OR11A1: variants seen among roughly 807,000 people sequenced by gnomAD.
The protein encoded by OR11A1 is olfactory receptor family 11 subfamily A member 1, also known as olfactory receptor 11A1.
For missense variants in OR11A1, 380 were observed against 378.2 expected (o/e 1.00, Z -0.04); for synonymous variants, 158 against 152.2 (o/e 1.04, Z -0.28).
intron 1 of OR11A1, among the ~76,000 whole-genome samples, chr6:29,455,688 C>A (rs912249604): frequency 5.3e-5 from 8 of 151,904 alleles, no homozygotes; most frequent in African/African-American, 1.9e-4. Flanking sequence ...CCAGCCTGGG[C>A]AACATGGTGA....
At chr6:29,433,228 A>G (rs1037065673) in intron 1 of OR11A1, among the ~76,000 whole-genome samples, 6 of 152,184 alleles carry the variant, frequency 3.9e-5, no homozygotes, top group South Asian at 2.1e-4. Flanking sequence ...CAATTTTCAC[A>G]TATACAATTC....
At chr6:29,455,495 C>T (rs1434221241) in intron 1 of OR11A1, among the ~76,000 whole-genome samples, 1 of 152,106 alleles carries the variant, frequency 6.6e-6, no homozygotes, top group African/African-American at 2.4e-5. Context: ...CAGTTGACAA[C>T]ATTGTATTAT....
At chr6:29,428,756 C>CAAAAAAAAAA (rs11424255) in intron 4 of OR11A1, among the ~76,000 whole-genome samples, 157 bp downstream of exon 4, 1 of 47,886 alleles carries the variant, frequency 2.1e-5, no homozygotes, top group Non-Finnish European at 3.6e-5. Flanking sequence ...AACTCCATCT[C>CAAAAAAAAAA]AAAAAAAAAA....
chr6:29,452,331 A>G (rs1785508212), intron 1 of OR11A1, among the ~76,000 whole-genome samples: 1 of 152,182 alleles, frequency 6.6e-6, no homozygotes, highest in African/African-American at 2.4e-5. Flanking sequence ...AAACTAAAAT[A>G]AAAATTAGGG....
chr6:29,451,737 T>G (rs1409311094), intron 1 of OR11A1, among the ~76,000 whole-genome samples: 1 of 152,186 alleles, frequency 6.6e-6, no homozygotes, highest in African/African-American at 2.4e-5. Flanking sequence ...AGAATGTATG[T>G]TAGCTCATAC....
intron 1 of OR11A1, among the ~76,000 whole-genome samples, chr6:29,451,308 A>T (rs749118625): frequency 1.3e-5 from 2 of 152,202 alleles, no homozygotes; most frequent in African/African-American, 2.4e-5. Flanking sequence ...ATTTCATGAT[A>T]AAGTTGTCAA....
chr6:29,436,713 A>G (rs1014928215), intron 1 of OR11A1, among the ~76,000 whole-genome samples: 1 of 152,260 alleles, frequency 6.6e-6, no homozygotes, highest in African/African-American at 2.4e-5. Flanking sequence ...GAGAAATATG[A>G]GTCTCATTAA....
chr6:29,429,054 A>G, intron 3 of OR11A1, 94 bp from the exon 4 acceptor site: 1 of 199,318 alleles, frequency 5.0e-6, no homozygotes, highest in Non-Finnish European at 9.0e-6. Flanking sequence ...ATATAAATAC[A>G]TAATACTAAC....
At chr6:29,446,059 G>A (rs192937761) in intron 1 of OR11A1, among the ~76,000 whole-genome samples, 15 of 152,218 alleles carry the variant, frequency 9.9e-5, no homozygotes, top group Admixed American at 9.8e-4. Flanking sequence ...CAGAAAGTGG[G>A]ATCTCAGTGC....
chr6:29,437,099 A>G (rs138570612), intron 1 of OR11A1, among the ~76,000 whole-genome samples: 5,951 of 152,280 alleles, frequency 0.039, 277 homozygotes, highest in African/African-American at 0.11. Flanking sequence ...GGGACTGTAA[A>G]CTAGTTCAAC....
intron 1 of OR11A1, among the ~76,000 whole-genome samples, chr6:29,455,618 T>C (rs1343230726): frequency 6.6e-6 from 1 of 152,106 alleles, no homozygotes; most frequent in Admixed American, 6.5e-5. Context: ...TAACTATGTA[T>C]ATCAAAACAT....
At position 29,426,551 on chromosome 6, in the gene OR11A1, C is replaced by T. The variant is rs978742589; in HGVS notation, c.*143G>A. The stretch of plus-strand genomic sequence containing the variant: ...AAATAAAAGTTAAAAAATTGTTGCC[C>T]TATCATTTTCATTTTTAGTATAACT... On this transcript the variant is annotated 3_prime_UTR_variant, in exon 5 of 5. Coordinates refer to ENST00000377149, the MANE Select transcript of OR11A1 (RefSeq NM_001394828.1). 6.5e-6 allele frequency: 4 copies of T among 619,904 alleles called. No individual in the cohort carries two copies. The highest frequency in any genetic ancestry group is 3.8e-4 in the Middle Eastern group (1 of 2,652). The allele number at this position is 619,904 out of a possible 1,614,324, so 38.4% of individuals were successfully genotyped here. A position where few individuals can be genotyped will look rare whatever the true frequency, so the allele number is the denominator to read the frequency against.
intron 4 of OR11A1, 77 bp downstream of exon 4, chr6:29,428,836 C>A: frequency 5.7e-6 from 2 of 350,198 alleles, no homozygotes; most frequent in Non-Finnish European, 4.0e-6. Flanking sequence ...GCATCCCTGG[C>A]AGGAAAGCAT....
intron 1 of OR11A1, among the ~76,000 whole-genome samples, chr6:29,450,735 C>T (rs1436378438): frequency 6.6e-6 from 1 of 152,114 alleles, no homozygotes; most frequent in East Asian, 1.9e-4. Flanking sequence ...ATGGAAAAAA[C>T]ATTCCATGTT....
chr6:29,428,415 T>G, intron 4 of OR11A1: 1 of 985,356 alleles, frequency 1.0e-6, no homozygotes, highest in Non-Finnish European at 1.2e-6. Context: ...CGGGGAAGGC[T>G]TTCTGAAGAT....
intron 1 of OR11A1, among the ~76,000 whole-genome samples, chr6:29,454,842 C>T (rs73400915): frequency 0.096 from 14,642 of 151,978 alleles, 1,315 homozygotes; most frequent in African/African-American, 0.23. Context: ...CTGGAGGAAC[C>T]AGATATAGGT....
chr6:29,437,508 G>GT (rs1783726506), intron 1 of OR11A1, among the ~76,000 whole-genome samples: 1 of 144,616 alleles, frequency 6.9e-6, no homozygotes, highest in Non-Finnish European at 1.5e-5. Context: ...TTTTTATTTT[G>GT]TTTTGTTGAT....
In OR11A1 at chr6:29,428,968, C is replaced by T. The variant is rs1415904948; in HGVS notation, c.-139-8G>A. ...GCAATATGTGTTTATTAACTGAAGA[C>T]AATGAGAGAGAATACAGGGAATGAT... is the stretch of plus-strand genomic sequence containing the variant. On this transcript the variant is annotated splice_region_variant and splice_polypyrimidine_tract_variant and intron_variant, in intron 3 of 4. Coordinates refer to ENST00000377149, the MANE Select transcript of OR11A1 (RefSeq NM_001394828.1). 1.0e-6 allele frequency: 1 copy of T among 955,208 alleles called. No homozygotes were observed. Among genetic ancestry groups the T allele is most frequent in the Non-Finnish European group, 1.2e-6 (1 of 803,500 alleles). 59.2% of individuals were successfully genotyped at this position (955,208 alleles called of 1,614,324 possible).
chr6:29,428,725 C>A (rs1357951010), intron 4 of OR11A1, among the ~76,000 whole-genome samples, 188 bp downstream of exon 4: 2 of 141,452 alleles, frequency 1.4e-5, no homozygotes, highest in African/African-American at 2.7e-5. Flanking sequence ...CCACTGCACC[C>A]CAGCCTGGGC....
Sources: allele counts gnomAD v4.1 joint callset (sites outside exome capture counted in the v4.1 genomes callset), GRCh38; gene constraint gnomAD v4.1.1; transcripts MANE v1.5; gene names NCBI Gene and HGNC (gene_info 2026-07-23, HGNC 2026-07-21).